SPATA17: variants seen among roughly 807,000 people sequenced by gnomAD.
SPATA17 encodes the protein spermatogenesis associated 17.
SPATA17 carries 53 observed loss-of-function variants against 62.2 expected under a neutral mutation model. The ratio of observed to expected loss-of-function variants is 0.85; its 90% CI spans 0.68 to 1.07. The LOEUF (loss-of-function observed/expected upper bound fraction) is 1.07, where lower values mean the gene tolerates loss of function less well. Ranked by LOEUF, SPATA17 falls within the 50% of genes least tolerant of loss-of-function variation. The pLI is 0.00. For synonymous variants in SPATA17, 146 were observed against 146.8 expected (o/e 0.99, Z 0.04); for missense variants, 466 against 425.5 (o/e 1.10, Z -0.84).
chr1:217,848,400 G>A (rs537398358), intron 9 of SPATA17, among the ~76,000 whole-genome samples: 50 of 152,170 alleles, frequency 3.3e-4, no homozygotes, highest in African/African-American at 1.2e-3. Flanking sequence ...TGTTTTCTTA[G>A]AATATGTCTT....
chr1:217,793,827 A>G (rs1571809766), intron 8 of SPATA17, among the ~76,000 whole-genome samples: 1 of 152,046 alleles, frequency 6.6e-6, no homozygotes, highest in African/African-American at 2.4e-5. Flanking sequence ...GTGAAAACTG[A>G]AAAGGAGGCC....
chr1:217,811,014 T>C (rs946833388), intron 9 of SPATA17, among the ~76,000 whole-genome samples: 1 of 151,806 alleles, frequency 6.6e-6, no homozygotes, highest in African/African-American at 2.4e-5. Flanking sequence ...AAAAGAAAAA[T>C]TGTAGGTATT....
At chr1:217,796,620 T>C (rs953014260) in intron 8 of SPATA17, among the ~76,000 whole-genome samples, 2 of 152,214 alleles carry the variant, frequency 1.3e-5, no homozygotes, top group African/African-American at 4.8e-5. Context: ...CTATGAATTC[T>C]ACTCTAAGTA....
chr1:217,776,676 TAAA>T (rs59177848), intron 7 of SPATA17, among the ~76,000 whole-genome samples: 6 of 119,102 alleles, frequency 5.0e-5, no homozygotes, highest in Admixed American at 8.7e-5. Context: ...CTGTCTCTAT[TAAA>T]AAAAAAAAAA....
intron 1 of SPATA17, among the ~76,000 whole-genome samples, chr1:217,647,826 C>T (rs1262368733): frequency 6.6e-6 from 1 of 151,996 alleles, no homozygotes; most frequent in Non-Finnish European, 1.5e-5. Context: ...CGGGTTCAAG[C>T]GATTCTTCTG....
intron 5 of SPATA17, among the ~76,000 whole-genome samples, chr1:217,710,096 T>C (rs1403318499): frequency 2.0e-5 from 3 of 152,192 alleles, no homozygotes; most frequent in African/African-American, 7.2e-5. Context: ...TCTGCTCTTT[T>C]GCTAATAGAA....
intron 5 of SPATA17, among the ~76,000 whole-genome samples, chr1:217,735,151 A>G (rs1672483388): frequency 6.6e-6 from 1 of 152,210 alleles, no homozygotes; most frequent in Non-Finnish European, 1.5e-5. Context: ...GGGCACATCA[A>G]TGAATAAACA....
intron 3 of SPATA17, among the ~76,000 whole-genome samples, chr1:217,656,414 C>T (rs1670442159): frequency 6.6e-6 from 1 of 152,136 alleles, no homozygotes; most frequent in Non-Finnish European, 1.5e-5. Context: ...AAATGATTCT[C>T]CAGATTTGGA....
chr1:217,778,716 A>G (rs967487021), intron 7 of SPATA17, among the ~76,000 whole-genome samples: 1 of 152,186 alleles, frequency 6.6e-6, no homozygotes. Context: ...CCAAACTACC[A>G]CACTATACAA....
intron 9 of SPATA17, among the ~76,000 whole-genome samples, chr1:217,856,700 A>G (rs1007128126): frequency 1.3e-5 from 2 of 152,208 alleles, no homozygotes; most frequent in African/African-American, 4.8e-5. Context: ...AAGATTGAAT[A>G]CTTGAGGATA....
intron 9 of SPATA17, among the ~76,000 whole-genome samples, chr1:217,822,634 CTA>C (rs35656898): frequency 0.062 from 9,049 of 146,538 alleles, 387 homozygotes; most frequent in African/African-American, 0.12. Flanking sequence ...TGATGTATAT[CTA>C]TATATATATA....
At chr1:217,715,831 CAGA>C (rs1671990717) in intron 5 of SPATA17, among the ~76,000 whole-genome samples, 1 of 152,176 alleles carries the variant, frequency 6.6e-6, no homozygotes. Flanking sequence ...TGATGATCAT[CAGA>C]ATCCAGAACT....
intron 5 of SPATA17, among the ~76,000 whole-genome samples, chr1:217,726,218 T>C (rs1215560167): frequency 6.6e-6 from 1 of 152,188 alleles, no homozygotes; most frequent in African/African-American, 2.4e-5. Flanking sequence ...TCCTCCCAAG[T>C]CCTGTTTGAC....
chr1:217,709,743 C>T (rs1388759969), intron 5 of SPATA17, among the ~76,000 whole-genome samples: 1 of 152,180 alleles, frequency 6.6e-6, no homozygotes, highest in Non-Finnish European at 1.5e-5. Flanking sequence ...CAGTGATGCA[C>T]ATATTGTATT....
At chr1:217,758,110 TAAC>T (rs1446494765) in intron 6 of SPATA17, among the ~76,000 whole-genome samples, 1 of 152,212 alleles carries the variant, frequency 6.6e-6, no homozygotes, top group Non-Finnish European at 1.5e-5. Context: ...ATAGTAGTAA[TAAC>T]AGCTAATATT....
rs1386687645 is a variant in SPATA17, at chr1:217,654,481, A to G, written c.240+3303A>G. 1.5e-4 allele frequency among the ~76,000 whole-genome samples: 23 copies of G among 152,180 alleles called. 1 individual carries two copies. The highest frequency in any genetic ancestry group is 1.5e-3 in the Admixed American group (23 of 15,266). ...CATTTACATTCAGGCCACTTTAAAA[A>G]AAGTTTTAAATTTTGAAAAAATTTC... is the stretch of plus-strand genomic sequence containing the variant. On this transcript the variant is annotated intron_variant, in intron 3 of 10. Transcript: ENST00000366933.
chr1:217,757,887 T>C (rs938903437), intron 6 of SPATA17, among the ~76,000 whole-genome samples: 2 of 152,190 alleles, frequency 1.3e-5, no homozygotes, highest in Non-Finnish European at 2.9e-5. Context: ...AGGATGCTTT[T>C]GTGGGAAAGG....
intron 8 of SPATA17, among the ~76,000 whole-genome samples, chr1:217,796,227 G>A (rs762132810): frequency 3.3e-5 from 5 of 152,044 alleles, no homozygotes; most frequent in Non-Finnish European, 5.9e-5. Flanking sequence ...TTTAGTTGCG[G>A]CCTTTAACTT....
At chr1:217,836,817 A>C (rs776642908) in intron 9 of SPATA17, among the ~76,000 whole-genome samples, 1 of 152,126 alleles carries the variant, frequency 6.6e-6, no homozygotes, top group African/African-American at 2.4e-5. Flanking sequence ...TTTGTTTTTA[A>C]TGGTACAATT....
Sources: gnomAD v4.1 joint callset for allele counts (sites outside exome capture counted in the v4.1 genomes callset) on GRCh38, gnomAD v4.1.1 for gene constraint, MANE v1.5 for transcripts, NCBI Gene and HGNC (gene_info 2026-07-23, HGNC 2026-07-21) for gene names.